Variants in DCDC1 observed in about 807,000 individuals in gnomAD.
The protein encoded by DCDC1 is doublecortin domain containing 1.
In DCDC1, 200 loss-of-function variants were observed where a neutral mutation model predicts 178.3. The observed-to-expected ratio is 1.12, with a 90% CI of 1.00 to 1.26. The LOEUF is 1.26. Ranked by LOEUF, DCDC1 falls within the 50% of genes most tolerant of loss-of-function variation. The probability of loss-of-function intolerance (pLI) is 0.00; values close to 1 mark genes in which losing one functional copy is unlikely to be tolerated. For missense variants in DCDC1, 1,983 were observed against 1,749.2 expected, an observed-to-expected ratio of 1.13 and a Z score of -2.38; for synonymous variants, 690 against 604.8, an observed-to-expected ratio of 1.14 and a Z score of -2.07.
At chr11:31,210,710 C>CAAAA (rs533444227) in intron 9 of DCDC1, among the ~76,000 whole-genome samples, 1 of 51,352 alleles carries the variant, frequency 1.9e-5, no homozygotes, top group Non-Finnish European at 4.1e-5. Flanking sequence ...GACTCCGTCT[C>CAAAA]AAAAAAAAAA....
At chr11:30,888,139 AAAGAAAG>A (rs1943442302) in intron 36 of DCDC1, among the ~76,000 whole-genome samples, 1 of 147,434 alleles carries the variant, frequency 6.8e-6, no homozygotes, top group Admixed American at 6.8e-5. Context: ...AGAAAGAAAG[AAAGAAAG>A]AAAGAAAGAA....
chr11:30,920,134 G>A (rs1260410263), intron 25 of DCDC1, among the ~76,000 whole-genome samples: 2 of 152,174 alleles, frequency 1.3e-5, no homozygotes, highest in Non-Finnish European at 1.5e-5. Context: ...ACAGCTTGTC[G>A]TTGCTGAGCT....
chr11:31,359,278 T>C (rs1264872666), intron 1 of DCDC1, among the ~76,000 whole-genome samples: 1 of 151,736 alleles, frequency 6.6e-6, no homozygotes. Flanking sequence ...GTTCACGTCC[T>C]TTGTTGTGAC....
intron 15 of DCDC1, among the ~76,000 whole-genome samples, chr11:31,100,635 A>C (rs890659376): frequency 6.6e-6 from 1 of 152,230 alleles, no homozygotes; most frequent in East Asian, 1.9e-4. Context: ...GAAAGTGGAA[A>C]GCATGTTCTG....
intron 20 of DCDC1, among the ~76,000 whole-genome samples, chr11:31,018,902 C>G (rs1054420237): frequency 1.3e-5 from 2 of 151,712 alleles, no homozygotes; most frequent in African/African-American, 4.9e-5. Flanking sequence ...GGTACTGCAA[C>G]CAAGAAAGGC....
intron 20 of DCDC1, among the ~76,000 whole-genome samples, chr11:30,954,217 G>A (rs566306027): frequency 1.3e-5 from 2 of 151,768 alleles, no homozygotes; most frequent in African/African-American, 4.8e-5. Flanking sequence ...GGGTTTCACC[G>A]TGTTATCCAG....
In DCDC1 at chr11:30,912,578, C is replaced by T. The variant is rs530429901; in HGVS notation, c.3654-1158G>A. Among the ~76,000 whole-genome samples, 9 of 152,256 alleles carry T rather than the reference C, an allele frequency of 5.9e-5. No individual in the cohort carries two copies. The South Asian group carries it at 1.7e-3, about 28-fold the overall frequency. On this transcript the variant is annotated intron_variant, in intron 27 of 38. Transcript: ENST00000684477. ...GATTACAGGCATGAGCCACCATGCC[C>T]GGCCCTGTTTCAGTTATTCTGTTAT...
chr11:31,094,694 T>A (rs145912083), intron 15 of DCDC1, among the ~76,000 whole-genome samples: 1,550 of 152,240 alleles, frequency 0.01, 20 homozygotes, highest in African/African-American at 0.033. Context: ...TGTCTTAGGA[T>A]CTGCAGGTAG....
At chr11:31,151,320 T>C (rs1965143970) in intron 9 of DCDC1, among the ~76,000 whole-genome samples, 1 of 152,186 alleles carries the variant, frequency 6.6e-6, no homozygotes, top group Non-Finnish European at 1.5e-5. Context: ...AATCGAAGCA[T>C]AAAATTATGA....
chr11:31,095,497 T>A (rs569756272), intron 15 of DCDC1, among the ~76,000 whole-genome samples: 2 of 152,304 alleles, frequency 1.3e-5, no homozygotes, highest in South Asian at 4.1e-4. Flanking sequence ...AACAGCAGAT[T>A]TTAGTAAGGT....
At chr11:31,211,412 C>T (rs1232770788) in intron 9 of DCDC1, among the ~76,000 whole-genome samples, 1 of 152,196 alleles carries the variant, frequency 6.6e-6, no homozygotes, top group African/African-American at 2.4e-5. Flanking sequence ...ATCCACATGC[C>T]TACTACCTGA....
chr11:31,177,317 G>GA (rs916849557), intron 9 of DCDC1, among the ~76,000 whole-genome samples: 3 of 149,566 alleles, frequency 2.0e-5, no homozygotes, highest in African/African-American at 7.4e-5. Context: ...AAAGTAGGGG[G>GA]AAAAAAAAGC....
At chr11:31,235,272 A>T (rs1027125984) in intron 9 of DCDC1, among the ~76,000 whole-genome samples, 2 of 152,038 alleles carry the variant, frequency 1.3e-5, no homozygotes, top group Non-Finnish European at 2.9e-5. Flanking sequence ...AAGCAAATAC[A>T]TCAACAGTGT....
intron 20 of DCDC1, among the ~76,000 whole-genome samples, chr11:31,042,282 T>C (rs1954510727): frequency 6.6e-6 from 1 of 152,212 alleles, no homozygotes; most frequent in African/African-American, 2.4e-5. Flanking sequence ...CAAAACTTGT[T>C]TATGTAACGG....
rs77345565 is a variant in DCDC1, at chr11:30,900,462, G to T, written c.4547C>A (p.Ala1516Glu). Residue 1516 changes from alanine to glutamate, a missense_variant, in exon 33 of 39, where the codon GCA becomes GAA. Transcript: ENST00000684477. ...PRMKVKNRLF[A>E]KSVTSDSLDG... ...CAAACTATCGGATGTCACAGATTTTGCAAATAATCTGTTTTTCACTTTCAT... is the reference window on the plus strand; with the variant it reads ...CAAACTATCGGATGTCACAGATTTTTCAAATAATCTGTTTTTCACTTTCAT... 1.3e-6 allele frequency: 2 copies of T among 1,548,776 alleles called. No individual in the cohort carries two copies. Among genetic ancestry groups the T allele is most frequent in the African/African-American group, 1.4e-5 (1 of 73,302 alleles).
intron 18 of DCDC1, among the ~76,000 whole-genome samples, chr11:31,071,750 T>C (rs1296999754): frequency 6.6e-6 from 1 of 152,220 alleles, no homozygotes; most frequent in Non-Finnish European, 1.5e-5. Context: ...TAAGGGGCAC[T>C]TCAGCTTCTG....
At chr11:31,094,584 G>A (rs1374830558) in intron 15 of DCDC1, among the ~76,000 whole-genome samples, 1 of 152,088 alleles carries the variant, frequency 6.6e-6, no homozygotes, top group Non-Finnish European at 1.5e-5. Context: ...CTTGAAAGAC[G>A]TTAACATGTA....
intron 9 of DCDC1, among the ~76,000 whole-genome samples, chr11:31,225,087 A>G (rs1054428566): frequency 6.6e-6 from 1 of 152,178 alleles, no homozygotes; most frequent in Non-Finnish European, 1.5e-5. Context: ...ACAAGTCACA[A>G]TTGCAAAAAT....
intron 1 of DCDC1, among the ~76,000 whole-genome samples, chr11:31,363,211 A>C (rs1173545825): frequency 6.6e-6 from 1 of 152,140 alleles, no homozygotes; most frequent in Non-Finnish European, 1.5e-5. Context: ...TCATAATTTT[A>C]CTTCATGTAA....
Sources: gnomAD v4.1 joint callset for allele counts (sites outside exome capture counted in the v4.1 genomes callset) on GRCh38, gnomAD v4.1.1 for gene constraint, MANE v1.5 for transcripts, NCBI Gene and HGNC (gene_info 2026-07-23, HGNC 2026-07-21) for gene names.